Variants in CACNA2D3 observed in about 807,000 individuals in gnomAD.
CACNA2D3 encodes calcium voltage-gated channel auxiliary subunit alpha2delta 3, also known as voltage-dependent calcium channel subunit alpha-2/delta-3.
In CACNA2D3, 60 loss-of-function variants were observed where a neutral mutation model predicts 160.6. The ratio of observed to expected loss-of-function variants is 0.37; its 90% confidence interval spans 0.30 to 0.46. The LOEUF (loss-of-function observed/expected upper bound fraction) is 0.46, where lower values mean the gene tolerates loss of function less well. Among genes scored for constraint, CACNA2D3 ranks in the 20% least tolerant of loss-of-function variants. The pLI, the probability that CACNA2D3 is intolerant of heterozygous loss-of-function variation, is 1.00. For synonymous variants in CACNA2D3, 558 were observed against 492.9 expected (o/e 1.13, Z -1.75); for missense variants, 1,205 against 1,365.0 (o/e 0.88, Z 1.85).
chr3:54,550,497 A>C (rs921786318), intron 5 of CACNA2D3, among the ~76,000 whole-genome samples: 1 of 152,084 alleles, frequency 6.6e-6, no homozygotes, highest in Non-Finnish European at 1.5e-5. Flanking sequence ...CAAGGATACC[A>C]CTTCCCTATG....
chr3:54,264,945 T>C (rs1702472876), intron 2 of CACNA2D3, among the ~76,000 whole-genome samples: 1 of 152,224 alleles, frequency 6.6e-6, no homozygotes, highest in Non-Finnish European at 1.5e-5. Context: ...TAGTATTCCA[T>C]GGTGTATATG....
At chr3:54,329,170 A>G (rs1246594698) in intron 3 of CACNA2D3, among the ~76,000 whole-genome samples, 1 of 152,028 alleles carries the variant, frequency 6.6e-6, no homozygotes, top group Non-Finnish European at 1.5e-5. Flanking sequence ...TTTCTTCTTC[A>G]TTTTTATTTT....
chr3:54,910,359 AT>A (rs1303792529), intron 27 of CACNA2D3, among the ~76,000 whole-genome samples: 1 of 152,118 alleles, frequency 6.6e-6, no homozygotes, highest in African/African-American at 2.4e-5. Context: ...TTTATGCTAT[AT>A]GCTCCTCTGC....
At chr3:54,658,713 G>A (rs926505939) in intron 11 of CACNA2D3, among the ~76,000 whole-genome samples, 3 of 152,120 alleles carry the variant, frequency 2.0e-5, no homozygotes, top group African/African-American at 7.2e-5. Context: ...AGAGTAAAGA[G>A]GAAACCTATG....
intron 2 of CACNA2D3, among the ~76,000 whole-genome samples, chr3:54,244,933 A>G (rs1275432352): frequency 6.6e-6 from 1 of 152,230 alleles, no homozygotes; most frequent in East Asian, 1.9e-4. Context: ...GTAATTATAT[A>G]CTTTTGCCTT....
chr3:54,467,817 A>G (rs952227308), intron 4 of CACNA2D3, among the ~76,000 whole-genome samples: 25 of 152,180 alleles, frequency 1.6e-4, no homozygotes, highest in Non-Finnish European at 3.4e-4. Context: ...GCATAGTAGG[A>G]TGATTAGAAT....
At chr3:54,382,450 T>C (rs1297717612) in intron 3 of CACNA2D3, among the ~76,000 whole-genome samples, 1 of 152,220 alleles carries the variant, frequency 6.6e-6, no homozygotes, top group Admixed American at 6.5e-5. Context: ...TGGTCTTGAC[T>C]TTGTTAGATG....
rs112607210 is a variant in CACNA2D3 at position 54,191,261 on chromosome 3, G to A, written c.204+67667G>A. ...GGAGTGGTCTCAACAAGCAGGGACA[G>A]TGTTCTGGGACAAACATGTAATCTT... On this transcript the variant is annotated intron_variant, in intron 2 of 37. Coordinates refer to ENST00000474759, the MANE Select transcript of CACNA2D3 (RefSeq NM_018398.3). Among the ~76,000 whole-genome samples, 68 of 152,240 alleles carry A rather than the reference G, an allele frequency of 4.5e-4. 2 individuals carry two copies. Among genetic ancestry groups the A allele is most frequent in the African/African-American group, 1.5e-3 (61 of 41,546 alleles).
intron 11 of CACNA2D3, among the ~76,000 whole-genome samples, chr3:54,719,067 T>C (rs1040447440): frequency 2.0e-5 from 3 of 151,952 alleles, no homozygotes; most frequent in African/African-American, 7.2e-5. Flanking sequence ...TTTCTGTGTA[T>C]ATAATCATAT....
intron 35 of CACNA2D3, among the ~76,000 whole-genome samples, chr3:55,067,984 G>T (rs1456950671): frequency 6.6e-6 from 1 of 152,138 alleles, no homozygotes; most frequent in African/African-American, 2.4e-5. Context: ...CCTGTGTTAT[G>T]CACTGTTCCT....
At chr3:54,833,070 C>T (rs551215293) in intron 14 of CACNA2D3, among the ~76,000 whole-genome samples, 1 of 152,306 alleles carries the variant, frequency 6.6e-6, no homozygotes, top group South Asian at 2.1e-4. Context: ...TATGAGCCTA[C>T]ATGCATGATT....
At chr3:54,593,429 C>T (rs915232203) in intron 9 of CACNA2D3, among the ~76,000 whole-genome samples, 8 of 149,148 alleles carry the variant, frequency 5.4e-5, no homozygotes, top group African/African-American at 2.0e-4. Context: ...GGAGGAGAGA[C>T]GAGGAAAGAA....
chr3:54,307,683 T>C (rs1050671463), intron 2 of CACNA2D3, among the ~76,000 whole-genome samples: 3 of 152,220 alleles, frequency 2.0e-5, no homozygotes, highest in African/African-American at 7.2e-5. Flanking sequence ...ACTCTCATTC[T>C]GGCTTTTGGC....
At chr3:54,483,998 T>C (rs547324770) in intron 4 of CACNA2D3, among the ~76,000 whole-genome samples, 11 of 152,310 alleles carry the variant, frequency 7.2e-5, no homozygotes, top group African/African-American at 2.2e-4. Flanking sequence ...GTTTCAAGCA[T>C]AGATTCTGTC....
chr3:54,508,516 G>T (rs1027813451), intron 5 of CACNA2D3, among the ~76,000 whole-genome samples: 21 of 152,202 alleles, frequency 1.4e-4, no homozygotes, highest in African/African-American at 4.8e-4. Flanking sequence ...CATGGTAGAT[G>T]CTCAATAAAT....
rs115583567 is a variant in CACNA2D3, at chr3:54,172,712, G to T, written c.204+49118G>T. Among the ~76,000 whole-genome samples the T allele has an allele frequency of 4.9e-3, 744 of 152,294 alleles. 9 individuals carry two copies. The highest frequency in any genetic ancestry group is 0.017 in the African/African-American group (710 of 41,566). ...ATGATTCAACCTACTAGTATTGAAT[G>T]ACTAGAAGGCAGGGTGGACATTGTT... is the stretch of plus-strand genomic sequence containing the variant. On this transcript the variant is annotated intron_variant, in intron 2 of 37. Transcript: ENST00000474759.
chr3:54,941,937 A>G (rs1050457761), intron 27 of CACNA2D3, among the ~76,000 whole-genome samples: 1 of 152,192 alleles, frequency 6.6e-6, no homozygotes, highest in African/African-American at 2.4e-5. Flanking sequence ...AACCTCGTGA[A>G]ATGGCAATGA....
intron 4 of CACNA2D3, among the ~76,000 whole-genome samples, chr3:54,432,982 T>C (rs1700010939): frequency 6.6e-6 from 1 of 152,150 alleles, no homozygotes; most frequent in Non-Finnish European, 1.5e-5. Flanking sequence ...AATTATTTTT[T>C]TAAAAAATTC....
intron 24 of CACNA2D3, among the ~76,000 whole-genome samples, chr3:54,889,946 T>G (rs1054286923): frequency 3.3e-5 from 5 of 152,210 alleles, no homozygotes; most frequent in Non-Finnish European, 7.3e-5. Context: ...CCACCATCTG[T>G]AACTGATTGG....
Sources: gnomAD v4.1 joint callset for allele counts (sites outside exome capture counted in the v4.1 genomes callset) on GRCh38, gnomAD v4.1.1 for gene constraint, MANE v1.5 for transcripts, NCBI Gene and HGNC (gene_info 2026-07-23, HGNC 2026-07-21) for gene names.